Variants in TTC7B observed in about 807,000 individuals in gnomAD.
The protein encoded by TTC7B is tetratricopeptide repeat domain 7B, also known as tetratricopeptide repeat protein 7B.
Under a neutral mutation model 106.8 loss-of-function variants are expected in TTC7B, and 28 were observed. That is an observed-to-expected ratio of 0.26 (90% confidence interval 0.19 to 0.36). The LOEUF is 0.36. TTC7B is among the 10% of genes least tolerant of loss of function. TTC7B has a pLI of 1.00. For missense variants in TTC7B, 862 were observed against 1,076.4 expected (o/e 0.80, Z 2.79); for synonymous variants, 405 against 430.6 (o/e 0.94, Z 0.74).
intron 3 of TTC7B, among the ~76,000 whole-genome samples, chr14:90,776,975 C>T (rs970280673): frequency 3.3e-5 from 5 of 152,174 alleles, no homozygotes; most frequent in Admixed American, 6.5e-5. Flanking sequence ...GTGGCTCATG[C>T]CTTTAATCCC....
chr14:90,588,626 A>C (rs1891818056), intron 18 of TTC7B, among the ~76,000 whole-genome samples: 1 of 152,158 alleles, frequency 6.6e-6, no homozygotes, highest in Non-Finnish European at 1.5e-5. Flanking sequence ...GGCTCTCCTG[A>C]CTTCTGCATA....
intron 17 of TTC7B, among the ~76,000 whole-genome samples, chr14:90,599,763 T>C (rs1892354889): frequency 6.6e-6 from 1 of 152,236 alleles, no homozygotes; most frequent in Non-Finnish European, 1.5e-5. Context: ...GCTGTACCTG[T>C]TTTCCCTTGA....
At chr14:90,725,969 A>G (rs1889085784) in intron 5 of TTC7B, among the ~76,000 whole-genome samples, 1 of 152,266 alleles carries the variant, frequency 6.6e-6, no homozygotes, top group Non-Finnish European at 1.5e-5. Flanking sequence ...AGCTGGGCAC[A>G]GTGGCACATG....
chr14:90,670,307 C>A (rs1886581996), intron 9 of TTC7B, among the ~76,000 whole-genome samples: 1 of 151,994 alleles, frequency 6.6e-6, no homozygotes, highest in Admixed American at 6.6e-5. Context: ...TAAGCAAATT[C>A]ATAAAGACAA....
rs1889374151 is a variant in TTC7B at position 90,534,677 on chromosome 14, A to G, written c.*6691T>C. 1 of 152,374 alleles carries G rather than the reference A, an allele frequency of 6.6e-6. No individual in the cohort carries two copies. The highest frequency in any genetic ancestry group is 2.4e-5 in the African/African-American group (1 of 41,440). 9.4% of individuals were successfully genotyped at this position (152,374 alleles called of 1,614,324 possible). On this transcript the variant is annotated 3_prime_UTR_variant, in exon 20 of 20. Transcript: ENST00000328459. ...CCGAGCGCTGGGAGGGTATGGGGGCATTGGAGGGAGACAGTGGCCAGAGTG... is the reference window on the plus strand; with the variant it reads ...CCGAGCGCTGGGAGGGTATGGGGGCGTTGGAGGGAGACAGTGGCCAGAGTG...
In TTC7B at chr14:90,534,366, G is replaced by A. The variant is rs907086412; in HGVS notation, c.*7002C>T. Reference sequence around the variant, plus strand: ...TGTGTGGGGTCCTCAGGCCCAGTGCGGCTGCTACTGCCCGCCTCCCCCGGA... The same window carrying A: ...TGTGTGGGGTCCTCAGGCCCAGTGCAGCTGCTACTGCCCGCCTCCCCCGGA... On this transcript the variant is annotated 3_prime_UTR_variant, in exon 20 of 20. Transcript: ENST00000328459. The A allele has an allele frequency of 2.0e-5, 3 of 152,450 alleles. No individual in the cohort carries two copies. The highest frequency in any genetic ancestry group is 7.2e-5 in the African/African-American group (3 of 41,576). The allele number at this position is 152,450 out of a possible 1,614,324, so 9.4% of individuals were successfully genotyped here.
At chr14:90,714,880 C>T (rs1391771205) in intron 5 of TTC7B, among the ~76,000 whole-genome samples, 1 of 152,120 alleles carries the variant, frequency 6.6e-6, no homozygotes, top group Non-Finnish European at 1.5e-5. Context: ...CTGGCTATCT[C>T]CCCCTCCCCA....
intron 19 of TTC7B, among the ~76,000 whole-genome samples, chr14:90,571,201 T>C (rs1891021009): frequency 6.6e-6 from 1 of 152,212 alleles, no homozygotes; most frequent in Non-Finnish European, 1.5e-5. Context: ...AAGGTAATCC[T>C]TAAGCCAAGT....
At chr14:90,709,224 G>C (rs1247522703) in intron 5 of TTC7B, among the ~76,000 whole-genome samples, 3 of 150,834 alleles carry the variant, frequency 2.0e-5, no homozygotes, top group East Asian at 3.9e-4. Context: ...CTGCTATAAA[G>C]ACACATGCAC....
intron 19 of TTC7B, among the ~76,000 whole-genome samples, chr14:90,555,706 T>C (rs536313697): frequency 1.3e-5 from 2 of 152,308 alleles, no homozygotes; most frequent in Non-Finnish European, 2.9e-5. Context: ...GAGAAATGGC[T>C]GTGAGAACAG....
At chr14:90,779,144 T>C (rs1043930155) in intron 3 of TTC7B, among the ~76,000 whole-genome samples, 3 of 152,218 alleles carry the variant, frequency 2.0e-5, no homozygotes, top group African/African-American at 7.2e-5. Context: ...CCACTCCAGA[T>C]AGTCCACTTC....
intron 5 of TTC7B, among the ~76,000 whole-genome samples, chr14:90,719,169 G>A (rs1888783786): frequency 6.6e-6 from 1 of 152,142 alleles, no homozygotes; most frequent in Non-Finnish European, 1.5e-5. Flanking sequence ...CCAGCTATTT[G>A]AGGTTGACAT....
Position 90,780,174 on chromosome 14 carries a change from G to T in TTC7B, c.445+564C>A, listed in dbSNP as rs150534097. On this transcript the variant is annotated intron_variant, in intron 3 of 19. Transcript: ENST00000328459. ...AGGTGGGCGGATCACCTGATGTCAGGAGTTCGAGACCAGCCTGACCAACAT... is the reference window on the plus strand; with the variant it reads ...AGGTGGGCGGATCACCTGATGTCAGTAGTTCGAGACCAGCCTGACCAACAT... 1.6e-4 allele frequency among the ~76,000 whole-genome samples: 25 copies of T among 152,264 alleles called. 1 individual carries two copies. In the East Asian group the frequency reaches 4.4e-3, roughly 27 times the overall value.
intron 2 of TTC7B, among the ~76,000 whole-genome samples, chr14:90,784,789 CT>C (rs1227140475): frequency 6.6e-6 from 1 of 152,124 alleles, no homozygotes; most frequent in Non-Finnish European, 1.5e-5. Context: ...CAGCCACCCC[CT>C]AGGGGCCTGG....
At chr14:90,547,832 C>A (rs1318339842) in intron 19 of TTC7B, among the ~76,000 whole-genome samples, 1 of 152,116 alleles carries the variant, frequency 6.6e-6, no homozygotes, top group Non-Finnish European at 1.5e-5. Flanking sequence ...CCATGGCACT[C>A]TGCACAAAAG....
chr14:90,620,411 A>T (rs1050775917), intron 15 of TTC7B, among the ~76,000 whole-genome samples: 1 of 152,192 alleles, frequency 6.6e-6, no homozygotes, highest in Non-Finnish European at 1.5e-5. Context: ...GCCCGAGTCC[A>T]GAACAAGATG....
intron 15 of TTC7B, among the ~76,000 whole-genome samples, chr14:90,637,407 C>A (rs1025656827): frequency 6.0e-5 from 9 of 151,238 alleles, no homozygotes; most frequent in Non-Finnish European, 1.0e-4. Context: ...GAGAAAAACC[C>A]CCCCCCAGCC....
intron 3 of TTC7B, among the ~76,000 whole-genome samples, chr14:90,778,387 A>C (rs7153207): frequency 0.31 from 47,558 of 152,124 alleles, 10,529 homozygotes; most frequent in African/African-American, 0.64. Flanking sequence ...GCTGGCAGTG[A>C]CACCTGTAGA....
chr14:90,665,157 C>T (rs575173247), intron 9 of TTC7B, among the ~76,000 whole-genome samples: 1 of 152,296 alleles, frequency 6.6e-6, no homozygotes, highest in Admixed American at 6.5e-5. Context: ...TCCAAATCAC[C>T]TCCCTCACAA....
Sources: gnomAD v4.1 joint callset for allele counts (sites outside exome capture counted in the v4.1 genomes callset) on GRCh38, gnomAD v4.1.1 for gene constraint, MANE v1.5 for transcripts, NCBI Gene and HGNC (gene_info 2026-07-23, HGNC 2026-07-21) for gene names.